Variants in C2orf42 observed in about 807,000 individuals in gnomAD.
C2orf42 encodes chromosome 2 open reading frame 42.
Under a neutral mutation model 58.9 loss-of-function variants are expected in C2orf42, and 44 were observed. That is an observed-to-expected ratio of 0.75 (90% CI 0.59 to 0.96). C2orf42 has a LOEUF of 0.96. Among genes scored for constraint, C2orf42 ranks in the 40% least tolerant of loss-of-function variants. The pLI is 0.00. For synonymous variants in C2orf42, 239 were observed against 265.4 expected (o/e 0.90, Z 0.97); for missense variants, 630 against 699.2 (o/e 0.90, Z 1.12).
intron 4 of C2orf42, among the ~76,000 whole-genome samples, chr2:70,177,889 A>C (rs971516609): frequency 3.9e-5 from 6 of 152,062 alleles, no homozygotes; most frequent in African/African-American, 1.4e-4. Context: ...CAAACCAAAA[A>C]ATTAGCCAGG....
chr2:70,158,569 C>T (rs969825840), intron 9 of C2orf42, among the ~76,000 whole-genome samples: 7 of 152,094 alleles, frequency 4.6e-5, no homozygotes, highest in African/African-American at 1.4e-4. Flanking sequence ...CCTACCTCAG[C>T]CTCCCGAGTA....
chr2:70,182,096 G>T (rs1674620131), intron 2 of C2orf42, 99 bp from the exon 3 acceptor site: 1 of 643,454 alleles, frequency 1.6e-6, no homozygotes, highest in East Asian at 2.7e-5. Context: ...ATATAAAAAA[G>T]CTATCTACTA....
Position 70,160,637 on chromosome 2 carries a change from A to G in C2orf42, c.1504T>C (p.Phe502Leu), listed in dbSNP as rs1672994038. ...GAAGTTCACTTACCAACTTTGAGAA[A>G]AGTTTTTAGTTCCAAGGGTCGCAGC... ...PVLRPLELKTFLKVGNTSPDQ... is the reference protein window; with the variant it reads ...PVLRPLELKTLLKVGNTSPDQ... Residue 502 changes from phenylalanine to leucine, a missense_variant, in exon 9 of 10, where the codon TTT (phenylalanine) becomes CTT (leucine). Coordinates refer to ENST00000264434, the MANE Select transcript of C2orf42 (RefSeq NM_017880.3). 1.3e-6 allele frequency: 2 copies of G among 1,599,260 alleles called. No individual in the cohort carries two copies. The highest frequency in any genetic ancestry group is 1.4e-5 in the African/African-American group (1 of 73,862).
intron 5 of C2orf42, among the ~76,000 whole-genome samples, chr2:70,174,290 A>G (rs984348166): frequency 6.6e-6 from 1 of 152,126 alleles, no homozygotes; most frequent in African/African-American, 2.4e-5. Flanking sequence ...TGGGCAACAG[A>G]GTGAGACTCC....
chr2:70,170,120 C>G (rs1673700585), intron 5 of C2orf42, among the ~76,000 whole-genome samples: 1 of 148,222 alleles, frequency 6.7e-6, no homozygotes, highest in South Asian at 2.1e-4. Context: ...CTCCTAGGCT[C>G]AAGCAATCCA....
At position 70,165,184 on chromosome 2, in the gene C2orf42, G is replaced by A. The variant is rs1266679775; in HGVS notation, c.1261C>T (p.Arg421Trp). 5 of 1,595,750 alleles carry A rather than the reference G, an allele frequency of 3.1e-6. No individual in the cohort carries two copies. The highest frequency in any genetic ancestry group is 4.3e-6 in the Non-Finnish European group (5 of 1,167,806). ...RLPNSTTAFV[R>W]KDALPLGTFS... is the part of the protein sequence containing the mutation. ...GTTCCCAGTGGCAAGGCATCTTTCCGAACAAAAGCTTCAACGTGAAAAAAG... is the reference window on the plus strand; with the variant it reads ...GTTCCCAGTGGCAAGGCATCTTTCCAAACAAAAGCTTCAACGTGAAAAAAG... Residue 421 changes from arginine (R) to tryptophan (W), a missense_variant, in exon 8 of 10, where the codon CGG becomes TGG. Transcript: ENST00000264434.
At chr2:70,151,109 T>C (rs1340625603) in intron 9 of C2orf42, among the ~76,000 whole-genome samples, 2 of 152,176 alleles carry the variant, frequency 1.3e-5, no homozygotes, top group African/African-American at 2.4e-5. Flanking sequence ...CCCAACAGTG[T>C]TGGTGGGCAA....
chr2:70,163,207 C>A (rs1209748315), intron 8 of C2orf42, among the ~76,000 whole-genome samples: 2 of 151,372 alleles, frequency 1.3e-5, no homozygotes, highest in South Asian at 2.1e-4. Context: ...GGAAAAAAAA[C>A]TCCATCTCAG....
At chr2:70,154,661 C>A (rs1672545223) in intron 9 of C2orf42, among the ~76,000 whole-genome samples, 1 of 152,080 alleles carries the variant, frequency 6.6e-6, no homozygotes, top group Non-Finnish European at 1.5e-5. Flanking sequence ...AACCAGATAT[C>A]CATCTGGAAG....
intron 9 of C2orf42, among the ~76,000 whole-genome samples, chr2:70,151,107 T>C (rs1168545555): frequency 6.6e-6 from 1 of 152,152 alleles, no homozygotes; most frequent in Non-Finnish European, 1.5e-5. Context: ...ATCCCAACAG[T>C]GTTGGTGGGC....
In C2orf42 at chr2:70,169,676, A is replaced by G. The variant is rs748909421; in HGVS notation, c.1040-15T>C. ...CTGACCACAGGCTAGGGAAAAAAAA[A>G]CCACACATACACACTTCTTTAGTAA... On this transcript the variant is annotated splice_polypyrimidine_tract_variant and intron_variant, in intron 5 of 9. Transcript: ENST00000264434. 1.6e-6 allele frequency: 2 copies of G among 1,223,364 alleles called. No individual in the cohort carries two copies. The highest frequency in any genetic ancestry group is 2.4e-6 in the Non-Finnish European group (2 of 823,726). 75.8% of individuals were successfully genotyped at this position (1,223,364 alleles called of 1,614,324 possible). A position where few individuals can be genotyped will look rare whatever the true frequency, so the allele number is the denominator to read the frequency against.
At chr2:70,159,041 C>T (rs1672886515) in intron 9 of C2orf42, among the ~76,000 whole-genome samples, 1 of 149,730 alleles carries the variant, frequency 6.7e-6, no homozygotes, top group Non-Finnish European at 1.5e-5. Flanking sequence ...CCTCCCGCCA[C>T]CGCGCCCAGC....
intron 1 of C2orf42, chr2:70,190,472 T>G (rs1190770203): frequency 1.3e-5 from 2 of 152,268 alleles, no homozygotes; most frequent in Admixed American, 1.3e-4. Context: ...AGATACTATG[T>G]TACCCATCTT....
intron 1 of C2orf42, among the ~76,000 whole-genome samples, chr2:70,189,590 G>A (rs1384996412): frequency 6.6e-6 from 1 of 151,350 alleles, no homozygotes; most frequent in African/African-American, 2.4e-5. Flanking sequence ...GGTGGCGGGC[G>A]CCTGTAGTCC....
At chr2:70,164,139 C>T (rs1673241814) in intron 8 of C2orf42, among the ~76,000 whole-genome samples, 1 of 151,444 alleles carries the variant, frequency 6.6e-6, no homozygotes, top group Admixed American at 6.6e-5. Flanking sequence ...TGGGGAAACC[C>T]CATCTCTACA....
chr2:70,181,811 G>C lies in C2orf42; in HGVS notation c.175C>G (p.Pro59Ala). ...ATGATTTTGACAGCTTCAACACTAG[G>C]CTGCTTGCGTGCACCGTAGCGGAAT... Reference protein sequence around the residue: ...TIFRYGARKQPSVEAVKIITG... With the variant: ...TIFRYGARKQASVEAVKIITG... The change falls in exon 3 of 10, where the codon CCT becomes GCT. Residue 59 changes from proline to alanine, a missense_variant. Pro to Ala is a conservative substitution (Grantham distance 27, BLOSUM62 -1). Coordinates refer to ENST00000264434, the MANE Select transcript of C2orf42 (RefSeq NM_017880.3). 1 of 1,614,114 alleles carries C rather than the reference G, an allele frequency of 6.2e-7. No homozygotes were observed. Among genetic ancestry groups the C allele is most frequent in the Non-Finnish European group, 8.5e-7 (1 of 1,180,002 alleles).
At chr2:70,169,943 G>C (rs1243922433) in intron 5 of C2orf42, among the ~76,000 whole-genome samples, 2 of 151,906 alleles carry the variant, frequency 1.3e-5, no homozygotes, top group Admixed American at 6.6e-5. Flanking sequence ...ATTTTTAGTA[G>C]AGATGGGGTT....
At chr2:70,174,248 A>G (rs565557918) in intron 5 of C2orf42, among the ~76,000 whole-genome samples, 182 of 152,246 alleles carry the variant, frequency 1.2e-3, no homozygotes, top group African/African-American at 3.9e-3. Context: ...CGGAGGTTGC[A>G]GTGACCAAGA....
chr2:70,171,351 A>G (rs1455674765), intron 5 of C2orf42, among the ~76,000 whole-genome samples: 1 of 152,182 alleles, frequency 6.6e-6, no homozygotes, highest in Non-Finnish European at 1.5e-5. Context: ...TTCCTGATGA[A>G]CATGTATCCA....
Sources: gnomAD v4.1 joint callset for allele counts (sites outside exome capture counted in the v4.1 genomes callset) on GRCh38, gnomAD v4.1.1 for gene constraint, MANE v1.5 for transcripts, NCBI Gene and HGNC (gene_info 2026-07-23, HGNC 2026-07-21) for gene names.